ALLC: variants seen among roughly 807,000 people sequenced by gnomAD.
ALLC encodes allantoicase, also known as probable inactive allantoicase.
ALLC carries 40 observed loss-of-function variants against 45.0 expected under a neutral mutation model. The observed-to-expected ratio is 0.89, with a 90% CI of 0.69 to 1.16. The LOEUF (loss-of-function observed/expected upper bound fraction) is 1.16. Among genes scored for constraint, ALLC ranks in the 50% most tolerant of loss-of-function variants. The probability of loss-of-function intolerance (pLI) is 0.00; values close to 1 mark genes in which losing one functional copy is unlikely to be tolerated. For missense variants in ALLC, 488 were observed against 493.1 expected (o/e 0.99, Z 0.10); for synonymous variants, 176 against 178.1 (o/e 0.99, Z 0.09).
rs566003324 is a variant in ALLC at position 3,658,876 on chromosome 2, C to CAAA, written c.-63+599_-63+601dup. ...TGGATGACAGAGTGAGACCCTGTCT[C>CAAA]AAAAAAAAAAAAAAAAAAACCTAAA... On this transcript the variant is annotated intron_variant, in intron 1 of 11. Coordinates refer to ENST00000252505, the MANE Select transcript of ALLC (RefSeq NM_018436.4). Among the ~76,000 whole-genome samples the CAAA allele has an allele frequency of 9.5e-3, 657 of 69,028 alleles. 6 individuals carry two copies. The highest frequency in any genetic ancestry group is 0.027 in the African/African-American group (583 of 21,222). 45.3% of individuals were successfully genotyped at this position (69,028 alleles called of 152,430 possible). A position where few individuals can be genotyped will look rare whatever the true frequency, so the allele number is the denominator to read the frequency against.
intron 7 of ALLC, among the ~76,000 whole-genome samples, chr2:3,691,482 C>A (rs964490535): frequency 6.6e-6 from 1 of 151,814 alleles, no homozygotes; most frequent in Admixed American, 6.6e-5. Context: ...AGGCTGGTCT[C>A]AAAATCCTGG....
intron 4 of ALLC, 133 bp from the exon 5 acceptor site, chr2:3,679,736 C>G (rs1395892656): frequency 2.4e-6 from 3 of 1,245,058 alleles, no homozygotes; most frequent in Non-Finnish European, 3.5e-6. Context: ...TAAGAACCGC[C>G]CTGAACAGTT....
At chr2:3,660,249 C>T (rs551955825) in intron 1 of ALLC, among the ~76,000 whole-genome samples, 252 of 152,294 alleles carry the variant, frequency 1.7e-3, no homozygotes, top group African/African-American at 6.0e-3. Flanking sequence ...GTGGTGGCTG[C>T]ACGCCGGCTC....
At chr2:3,660,108 T>TG (rs953843650) in intron 1 of ALLC, among the ~76,000 whole-genome samples, 2 of 152,198 alleles carry the variant, frequency 1.3e-5, no homozygotes, top group Non-Finnish European at 2.9e-5. Context: ...GTCTGGGTTA[T>TG]GGGGGCGGAT....
chr2:3,699,910 C>A (rs545699246), intron 10 of ALLC, among the ~76,000 whole-genome samples: 1 of 152,200 alleles, frequency 6.6e-6, no homozygotes, highest in South Asian at 2.1e-4. Flanking sequence ...TTTGAAAGAA[C>A]CATAGGTTGC....
At chr2:3,686,231 A>G (rs571795939) in intron 7 of ALLC, among the ~76,000 whole-genome samples, 1 of 151,092 alleles carries the variant, frequency 6.6e-6, no homozygotes, top group South Asian at 2.1e-4. Context: ...TTTACTGAAG[A>G]GACTGTTCCC....
chr2:3,652,566 C>G, the ALLC span, among the ~76,000 whole-genome samples: 1 of 151,390 alleles, frequency 6.6e-6, no homozygotes, highest in Non-Finnish European at 1.5e-5. Context: ...AACAAACCAC[C>G]CCAAAACTTT....
At chr2:3,655,954 G>A (rs10194810), upstream of ALLC, among the ~76,000 whole-genome samples, 8,757 of 152,236 alleles carry the variant, frequency 0.058, 786 homozygotes, top group African/African-American at 0.19. Context: ...CCGCTCCGGT[G>A]GGGGATGTGG....
At chr2:3,652,433 C>T in the ALLC span, among the ~76,000 whole-genome samples, 4 of 152,220 alleles carry the variant, frequency 2.6e-5, no homozygotes, top group African/African-American at 9.6e-5. Context: ...TGTAGGCGTC[C>T]ATGCCTTAGA....
At chr2:3,687,561 G>A (rs1558544541) in intron 7 of ALLC, among the ~76,000 whole-genome samples, 2 of 150,928 alleles carry the variant, frequency 1.3e-5, no homozygotes, top group South Asian at 4.2e-4. Context: ...GAAGCCATTA[G>A]GTCCTGGAAT....
the ALLC span, among the ~76,000 whole-genome samples, chr2:3,647,154 G>A: frequency 4.6e-5 from 7 of 152,156 alleles, no homozygotes; most frequent in East Asian, 1.9e-4. Context: ...GGGGTTGCGC[G>A]TGTGATGACA....
At chr2:3,666,186 G>C (rs910391627) in intron 1 of ALLC, among the ~76,000 whole-genome samples, 1 of 152,204 alleles carries the variant, frequency 6.6e-6, no homozygotes, top group African/African-American at 2.4e-5. Context: ...TCCCACCACA[G>C]GGGGGTGGCT....
chr2:3,656,710 A>G (rs1490014293), upstream of ALLC, among the ~76,000 whole-genome samples: 1 of 152,214 alleles, frequency 6.6e-6, no homozygotes, highest in African/African-American at 2.4e-5. Context: ...CTGCAGCGTC[A>G]GAATCTGCAC....
chr2:3,671,285 G>C lies in ALLC; in HGVS notation c.33+95G>C, dbSNP rs1054576476. The C allele has an allele frequency of 6.3e-6, 9 of 1,426,150 alleles. No individual in the cohort carries two copies. In the African/African-American group the frequency reaches 1.3e-4, roughly 20 times the overall value. The allele number at this position is 1,426,150 out of a possible 1,614,324, so 88.3% of individuals were successfully genotyped here. On this transcript the variant is annotated intron_variant, in intron 2 of 11. Coordinates refer to ENST00000252505, the MANE Select transcript of ALLC (RefSeq NM_018436.4). Reference sequence around the variant, plus strand: ...GAGAACCTCATGCAAGAATCAACAAGAATCAGGCTGAAGTGTTGGCCTGCC... The same window carrying C: ...GAGAACCTCATGCAAGAATCAACAACAATCAGGCTGAAGTGTTGGCCTGCC...
chr2:3,692,274 C>T (rs1202515722), intron 7 of ALLC, among the ~76,000 whole-genome samples: 1 of 152,112 alleles, frequency 6.6e-6, no homozygotes, highest in Non-Finnish European at 1.5e-5. Flanking sequence ...TAGGGAGTGT[C>T]CAATATTTTA....
chr2:3,669,091 C>CT (rs1185638670), intron 1 of ALLC, among the ~76,000 whole-genome samples: 2 of 152,092 alleles, frequency 1.3e-5, no homozygotes, highest in South Asian at 2.1e-4. Context: ...AATCCCAGCA[C>CT]TTTGGGAGGC....
chr2:3,689,901 C>T lies in ALLC; in HGVS notation c.512-5816C>T, dbSNP rs1425877286. On this transcript the variant is annotated intron_variant, in intron 7 of 11. Transcript: ENST00000252505. The stretch of plus-strand genomic sequence containing the variant: ...GACTTGAAAGCTCTGGTGTTGGACA[C>T]ATAGATATTCATAATTGACCCATTT... Among the ~76,000 whole-genome samples, 2 of 148,450 alleles carry T rather than the reference C, an allele frequency of 1.3e-5. 1 individual carries two copies. Among genetic ancestry groups the T allele is most frequent in the Non-Finnish European group, 3.0e-5 (2 of 67,016 alleles).
At chr2:3,672,929 C>G (rs1471068400) in intron 2 of ALLC, among the ~76,000 whole-genome samples, 4 of 152,232 alleles carry the variant, frequency 2.6e-5, no homozygotes, top group Non-Finnish European at 4.4e-5. Context: ...AGACCCTGTG[C>G]CTGCCCCCAG....
intron 7 of ALLC, among the ~76,000 whole-genome samples, chr2:3,690,265 T>G (rs547251990): frequency 5.6e-4 from 1 of 1,772 alleles, no homozygotes; most frequent in Admixed American, 6.1e-3. Flanking sequence ...TTCCCTTCCC[T>G]CCCCCCTCCC....
Sources: gnomAD v4.1 joint callset for allele counts (sites outside exome capture counted in the v4.1 genomes callset) on GRCh38, gnomAD v4.1.1 for gene constraint, MANE v1.5 for transcripts, NCBI Gene and HGNC (gene_info 2026-07-23, HGNC 2026-07-21) for gene names.